The following KCNQ2 variants were observed in gnomAD, a reference collection of about 807,000 sequenced individuals.
KCNQ2 encodes potassium voltage-gated channel subfamily Q member 2.
Under a neutral mutation model 84.8 loss-of-function variants are expected in KCNQ2, and 14 were observed. That is an observed-to-expected ratio of 0.17 (90% CI 0.11 to 0.26). The LOEUF (loss-of-function observed/expected upper bound fraction) is 0.26, where lower values mean the gene tolerates loss of function less well. Ranked by LOEUF, KCNQ2 falls within the 10% of genes least tolerant of loss-of-function variation. The pLI is 1.00. For synonymous variants in KCNQ2, 599 were observed against 554.1 expected (o/e 1.08, Z -1.14); for missense variants, 788 against 1,254.0 (o/e 0.63, Z 5.61).
In KCNQ2 at chr20:63,414,164, C is replaced by T. The variant is rs267606050; in HGVS notation, c.1555G>A (p.Asp519Asn). The part of the protein sequence containing the change: ...EASLPGEDIV[D>N]DKSCPCEFVT... Reference sequence around the variant, plus strand: ...AACTCGCAGGGGCAGCTCTTGTCATCCACAATGTCCTCTCCGGGGAGGCTT... The same window carrying T: ...AACTCGCAGGGGCAGCTCTTGTCATTCACAATGTCCTCTCCGGGGAGGCTT... Residue 519 changes from aspartate to asparagine, a missense_variant, in exon 14 of 17, where the codon GAT (aspartate) becomes AAT (asparagine). This residue lies in a region of KCNQ2 where 202 missense variants were observed against 239.4 expected (regional missense o/e 0.84). Coordinates refer to ENST00000359125, the MANE Select transcript of KCNQ2 (RefSeq NM_172107.4). This position sits in a 1 kb window ranked among gnomAD's most constrained non-coding sequence, Gnocchi z 6.6. 6.2e-7 allele frequency: 1 copy of T among 1,613,722 alleles called. No individual in the cohort carries two copies. The highest frequency in any genetic ancestry group is 8.5e-7 in the Non-Finnish European group (1 of 1,179,948).
At chr20:63,444,908 G>T (rs888059733) in intron 3 of KCNQ2, 74 bp from the exon 4 acceptor site, 1 of 1,452,466 alleles carries the variant, frequency 6.9e-7, no homozygotes, top group African/African-American at 1.4e-5. Flanking sequence ...TCCCCACCCC[G>T]CGTTCCAGGA....
At position 63,402,228 on chromosome 20, in the gene KCNQ2, C is replaced by T. The variant is rs940072965; in HGVS notation, c.*4416G>A. 3.4e-5 allele frequency: 6 copies of T among 176,850 alleles called. No individual in the cohort carries two copies. The highest frequency in any genetic ancestry group is 1.3e-4 in the Admixed American group (2 of 15,142). The allele number at this position is 176,850 out of a possible 1,614,324, so 11.0% of individuals were successfully genotyped here. A position where few individuals can be genotyped will look rare whatever the true frequency, so the allele number is the denominator to read the frequency against. ...CAAGCCTCGTGAGCCGTCCCTCTCACGCCACGTCTGCCGGGCACCCTCCAC... is the reference window on the plus strand; with the variant it reads ...CAAGCCTCGTGAGCCGTCCCTCTCATGCCACGTCTGCCGGGCACCCTCCAC... On this transcript the variant is annotated 3_prime_UTR_variant, in exon 17 of 17. Coordinates refer to ENST00000359125, the MANE Select transcript of KCNQ2 (RefSeq NM_172107.4).
At chr20:63,463,104 T>C (rs572536769) in intron 1 of KCNQ2, among the ~76,000 whole-genome samples, 57 of 151,580 alleles carry the variant, frequency 3.8e-4, no homozygotes, top group Non-Finnish European at 6.9e-4. Flanking sequence ...TCATGTGAAT[T>C]TGACCTATTC....
In KCNQ2 at chr20:63,419,610, C is replaced by G; in HGVS notation, c.1301+9G>C. ...CAGCCGTCAGTCCGTGCGGCGTGTT[C>G]CGCGGTACCTAGAGCGTCCGGGGCA... is the stretch of plus-strand genomic sequence containing the variant. On this transcript the variant is annotated intron_variant, in intron 12 of 16. Coordinates refer to ENST00000359125, the MANE Select transcript of KCNQ2 (RefSeq NM_172107.4). 6.2e-7 allele frequency: 1 copy of G among 1,608,186 alleles called. No individual in the cohort carries two copies. Among genetic ancestry groups the G allele is most frequent in the Non-Finnish European group, 8.5e-7 (1 of 1,178,398 alleles).
Position 63,406,514 on chromosome 20 carries a change from C to CTT in KCNQ2, c.*129_*130insAA. ...CCCCATCCTTCAGCCCACATGGGCC[C>CTT]CTCCAGGGCCCACCCTTCCCGCCAC... On this transcript the variant is annotated 3_prime_UTR_variant, in exon 17 of 17. Coordinates refer to ENST00000359125, the MANE Select transcript of KCNQ2 (RefSeq NM_172107.4). 1 of 1,157,810 alleles carries CTT rather than the reference C, an allele frequency of 8.6e-7. No individual in the cohort carries two copies. The highest frequency in any genetic ancestry group is 1.6e-5 in the South Asian group (1 of 61,324). 71.7% of individuals were successfully genotyped at this position (1,157,810 alleles called of 1,614,324 possible). A position where few individuals can be genotyped will look rare whatever the true frequency, so the allele number is the denominator to read the frequency against.
chr20:63,441,749 C>CTT (rs2145731012), intron 5 of KCNQ2, among the ~76,000 whole-genome samples: 1 of 152,362 alleles, frequency 6.6e-6, no homozygotes, highest in Admixed American at 6.5e-5. Flanking sequence ...ACTGGGAAGA[C>CTT]AGTGTCCAGG....
intron 9 of KCNQ2, among the ~76,000 whole-genome samples, chr20:63,428,652 C>T (rs2080704394): frequency 6.6e-6 from 1 of 152,178 alleles, no homozygotes; most frequent in Non-Finnish European, 1.5e-5. Flanking sequence ...TCTGGCTGTG[C>T]CTGGGGCCTT....
intron 1 of KCNQ2, among the ~76,000 whole-genome samples, chr20:63,450,539 T>TGG (rs2081580455): frequency 1.5e-4 from 1 of 6,846 alleles, no homozygotes; most frequent in Admixed American, 1.6e-3. Flanking sequence ...TGCTGGGGGG[T>TGG]GGGGGAAGAC....
intron 7 of KCNQ2, among the ~76,000 whole-genome samples, chr20:63,436,324 G>C (rs2081002285): frequency 6.6e-6 from 1 of 152,228 alleles, no homozygotes; most frequent in African/African-American, 2.4e-5. Context: ...GAAGTCAGGA[G>C]ATCGAGACCA....
chr20:63,419,697 G>A (rs761182828), intron 11 of KCNQ2, 25 bp from the exon 12 acceptor site: 52 of 1,601,270 alleles, frequency 3.2e-5, no homozygotes, highest in Non-Finnish European at 4.0e-5. Context: ...AGCACAGTTA[G>A]TCCTGGGCGC....
In KCNQ2 at chr20:63,419,508, T is replaced by C. The variant is rs372200251; in HGVS notation, c.1301+111A>G. 3.0e-4 allele frequency: 330 copies of C among 1,090,780 alleles called. 2 individuals carry two copies. The African/African-American group carries it at 4.6e-3, about 15-fold the overall frequency. 67.6% of individuals were successfully genotyped at this position (1,090,780 alleles called of 1,614,324 possible). A position where few individuals can be genotyped will look rare whatever the true frequency, so the allele number is the denominator to read the frequency against. On this transcript the variant is annotated intron_variant, in intron 12 of 16. Transcript: ENST00000359125. ...GCACCGCCAGGGCGGTGGGTCAGAA[T>C]TGGGGTTGGGGCGCCAGCCTCCCCC...
intron 4 of KCNQ2, among the ~76,000 whole-genome samples, chr20:63,442,853 AC>A (rs2081238150): frequency 9.1e-6 from 1 of 110,110 alleles, no homozygotes; most frequent in Non-Finnish European, 1.8e-5. Flanking sequence ...CATCACCATC[AC>A]CACCACCATC....
chr20:63,419,414 A>C (rs2080397937), intron 12 of KCNQ2, among the ~76,000 whole-genome samples: 1 of 152,160 alleles, frequency 6.6e-6, no homozygotes, highest in Non-Finnish European at 1.5e-5. Flanking sequence ...CGTGGGGAGC[A>C]AGAAGAAGCA....
chr20:63,447,450 G>A (rs1427826419), intron 1 of KCNQ2: 2 of 154,012 alleles, frequency 1.3e-5, no homozygotes, highest in African/African-American at 2.4e-5. Flanking sequence ...ACCTCCTCCC[G>A]CCAGTGACTT....
chr20:63,409,309 T>C (rs2080042478), intron 15 of KCNQ2, among the ~76,000 whole-genome samples: 1 of 152,156 alleles, frequency 6.6e-6, no homozygotes, highest in Non-Finnish European at 1.5e-5. Flanking sequence ...GTGTGCACGT[T>C]TGCGTGTGTG....
chr20:63,442,844 A>ACC (rs2081235951), intron 4 of KCNQ2, among the ~76,000 whole-genome samples: 1 of 50,786 alleles, frequency 2.0e-5, no homozygotes, highest in Admixed American at 1.9e-4. Flanking sequence ...CACCACCACC[A>ACC]TCACCATCAC....
chr20:63,444,627 C>A, intron 4 of KCNQ2, 32 bp downstream of exon 4: 2 of 1,493,192 alleles, frequency 1.3e-6, no homozygotes, highest in Non-Finnish European at 1.8e-6. Context: ...TGGCTGGGGG[C>A]GCCCACCGCC....
At chr20:63,435,956 C>T (rs894303608) in intron 7 of KCNQ2, among the ~76,000 whole-genome samples, 10 of 151,852 alleles carry the variant, frequency 6.6e-5, no homozygotes, top group African/African-American at 2.4e-4. Flanking sequence ...TCTTCTAATT[C>T]CCAAATACAT....
At chr20:63,416,811 G>A (rs1156491046) in intron 12 of KCNQ2, among the ~76,000 whole-genome samples, 3 of 151,660 alleles carry the variant, frequency 2.0e-5, no homozygotes, top group East Asian at 1.9e-4. Context: ...AGAGCCCACC[G>A]CGCCCGTCTG....
Sources: allele counts gnomAD v4.1 joint callset (sites outside exome capture counted in the v4.1 genomes callset), GRCh38; gene constraint gnomAD v4.1.1; regional missense constraint gnomAD v4.1.1; non-coding constraint Gnocchi (gnomAD v3.1); transcripts MANE v1.5; gene names NCBI Gene and HGNC (gene_info 2026-07-23, HGNC 2026-07-21).